DNAAF6: variants seen among roughly 807,000 people sequenced by gnomAD.
DNAAF6 encodes PIH1 domain containing 3.
DNAAF6 carries 3 observed loss-of-function variants against 13.7 expected under a neutral mutation model. That is an observed-to-expected ratio of 0.22 (90% confidence interval 0.10 to 0.56). The LOEUF (loss-of-function observed/expected upper bound fraction) is 0.56. DNAAF6 is among the 20% of genes least tolerant of loss of function. The probability of loss-of-function intolerance (pLI) is 0.92; values close to 1 mark genes in which losing one functional copy is unlikely to be tolerated. For missense variants in DNAAF6, 130 were observed against 151.0 expected (o/e 0.86, Z 0.73); for synonymous variants, 54 against 49.2 (o/e 1.10, Z -0.41).
rs768372176 is a variant in DNAAF6 at position 107,229,127 on chromosome X, CTTTTTTTTTTT to C, written c.429+6304_429+6314del. ...GCAGCATTCCACCCTGTTGACTACT[CTTTTTTTTTTT>C]TTTTTTTTTTTTTTTTTGAGACAGA... is the stretch of plus-strand genomic sequence containing the variant. On this transcript the variant is annotated intron_variant, in intron 5 of 6. Transcript: ENST00000372453. Among the ~76,000 whole-genome samples the C allele has an allele frequency of 6.2e-3, 321 of 51,603 alleles. 11 individuals carry two copies. Among genetic ancestry groups the C allele is most frequent in the African/African-American group, 0.034 (303 of 9,013 alleles). The allele number at this position is 51,603 out of a possible 115,157, so 44.8% of individuals were successfully genotyped here.
chrX:107,239,154 TTAATA>T, intron 6 of DNAAF6, 147 bp downstream of exon 6: 1 of 900,853 alleles, frequency 1.1e-6, no homozygotes, highest in South Asian at 4.5e-5. Context: ...TTGATCTACA[TTAATA>T]TAAACATAAA....
intron 1 of DNAAF6, among the ~76,000 whole-genome samples, chrX:107,210,378 G>A (rs1167142472): frequency 1.8e-5 from 2 of 110,702 alleles, no homozygotes; most frequent in Admixed American, 9.6e-5. Flanking sequence ...AGGCAGTGTG[G>A]CTCCAGAATC....
chrX:107,220,417 A>G (rs765387981), intron 4 of DNAAF6, among the ~76,000 whole-genome samples: 162 of 112,209 alleles, frequency 1.4e-3, no homozygotes, highest in Non-Finnish European at 2.4e-3. Flanking sequence ...GCAAACTTCA[A>G]ATTTGAGTAA....
At chrX:107,222,692 G>A (rs1457738956) in intron 4 of DNAAF6, 53 bp from the exon 5 acceptor site, 1 of 1,154,166 alleles carries the variant, frequency 8.7e-7, no homozygotes, top group East Asian at 3.1e-5. Context: ...TCTTTTCTGT[G>A]ACAGGAAATT....
intron 1 of DNAAF6, among the ~76,000 whole-genome samples, chrX:107,211,585 C>T (rs542918231): frequency 8.9e-6 from 1 of 112,023 alleles, no homozygotes; most frequent in South Asian, 3.7e-4. Context: ...TTAACAAAAA[C>T]AAGTGTACAC....
intron 5 of DNAAF6, among the ~76,000 whole-genome samples, chrX:107,232,308 C>T (rs1928422354): frequency 9.1e-6 from 1 of 109,771 alleles, no homozygotes; most frequent in Non-Finnish European, 1.9e-5. Context: ...CTTTCCACAA[C>T]TTATTGTCCC....
intron 4 of DNAAF6, among the ~76,000 whole-genome samples, chrX:107,221,163 C>T (rs909742054): frequency 9.1e-6 from 1 of 110,147 alleles, no homozygotes; most frequent in Non-Finnish European, 1.9e-5. Flanking sequence ...TTTGTAGAGA[C>T]GAGGTTTCAC....
chrX:107,218,155 C>A (rs1004505869), intron 3 of DNAAF6, among the ~76,000 whole-genome samples: 1 of 111,966 alleles, frequency 8.9e-6, no homozygotes, highest in Non-Finnish European at 1.9e-5. Context: ...CCGGATGCTA[C>A]AATAGTTAAA....
intron 1 of DNAAF6, chrX:107,207,513 T>A: frequency 9.0e-6 from 1 of 111,566 alleles, no homozygotes; most frequent in Non-Finnish European, 1.9e-5. Flanking sequence ...GAGAACCTAG[T>A]TTGACCAAAG....
intron 5 of DNAAF6, among the ~76,000 whole-genome samples, chrX:107,235,821 A>G (rs772423653): frequency 9.0e-6 from 1 of 111,371 alleles, no homozygotes; most frequent in Non-Finnish European, 1.9e-5. Flanking sequence ...ATAATAGATG[A>G]CCAGTAAACA....
chrX:107,230,609 G>C (rs987285296), intron 5 of DNAAF6, among the ~76,000 whole-genome samples: 1 of 111,998 alleles, frequency 8.9e-6, no homozygotes, highest in Non-Finnish European at 1.9e-5. Flanking sequence ...TTTGAACCTG[G>C]GAGGCAGCAG....
At chrX:107,219,408 C>G (rs1334078939) in intron 4 of DNAAF6, among the ~76,000 whole-genome samples, 2 of 111,258 alleles carry the variant, frequency 1.8e-5, no homozygotes, top group Non-Finnish European at 3.8e-5. Context: ...CAATTATTAC[C>G]CAGACTTGTT....
At chrX:107,229,439 A>C (rs1928334614) in intron 5 of DNAAF6, among the ~76,000 whole-genome samples, 2 of 107,854 alleles carry the variant, frequency 1.9e-5, no homozygotes, top group South Asian at 8.3e-4. Flanking sequence ...TCTCTCCTTG[A>C]AACACAGTTT....
chrX:107,241,682 C>T (rs1016982732), intron 6 of DNAAF6, among the ~76,000 whole-genome samples: 1 of 111,598 alleles, frequency 9.0e-6, no homozygotes, highest in African/African-American at 3.2e-5. Context: ...GTAAAACAGA[C>T]GACGAAAATA....
At chrX:107,237,062 C>T (rs1384617872) in intron 5 of DNAAF6, among the ~76,000 whole-genome samples, 6 of 111,434 alleles carry the variant, frequency 5.4e-5, no homozygotes, top group East Asian at 5.6e-4. Flanking sequence ...AAATGTTAAC[C>T]GTAGTATTTA....
chrX:107,217,000 G>T (rs779031831), intron 3 of DNAAF6, among the ~76,000 whole-genome samples: 209 of 109,617 alleles, frequency 1.9e-3, no homozygotes, highest in Non-Finnish European at 7.4e-4. Flanking sequence ...AACATCATAT[G>T]GTATATCATA....
chrX:107,224,763 G>T (rs998254017), intron 5 of DNAAF6, among the ~76,000 whole-genome samples: 6 of 109,781 alleles, frequency 5.5e-5, no homozygotes, highest in African/African-American at 2.0e-4. Flanking sequence ...AGTAACTGAG[G>T]GAGTACAATT....
intron 5 of DNAAF6, among the ~76,000 whole-genome samples, chrX:107,225,358 A>C (rs1357794623): frequency 9.0e-6 from 1 of 111,198 alleles, no homozygotes; most frequent in Non-Finnish European, 1.9e-5. Flanking sequence ...TGTTTCCTTG[A>C]ATCTAAGACA....
intron 6 of DNAAF6, 89 bp from the exon 7 acceptor site, chrX:107,243,080 T>G: frequency 9.9e-7 from 1 of 1,010,320 alleles, no homozygotes; most frequent in Non-Finnish European, 1.4e-6. Flanking sequence ...TTTCTAACAC[T>G]CTAGTGGCAT....
Sources: gnomAD v4.1 joint callset for allele counts (sites outside exome capture counted in the v4.1 genomes callset) on GRCh38, gnomAD v4.1.1 for gene constraint, MANE v1.5 for transcripts, NCBI Gene and HGNC (gene_info 2026-07-23, HGNC 2026-07-21) for gene names.